The following LGSN variants were observed in gnomAD, a reference collection of about 807,000 sequenced individuals.
LGSN encodes the protein lengsin, lens protein with glutamine synthetase domain.
Under a neutral mutation model 19.5 loss-of-function variants are expected in LGSN, and 21 were observed. The observed-to-expected ratio is 1.07, with a 90% CI of 0.76 to 1.55. The LOEUF is 1.55. Among genes scored for constraint, LGSN ranks in the 40% most tolerant of loss-of-function variants. LGSN has a pLI of 0.00. For missense variants in LGSN, 673 were observed against 608.5 expected (o/e 1.11, Z -1.12); for synonymous variants, 257 against 215.6 (o/e 1.19, Z -1.68).
the LGSN span, among the ~76,000 whole-genome samples, chr6:63,453,960 T>C: frequency 3.3e-5 from 5 of 151,998 alleles, no homozygotes; most frequent in Non-Finnish European, 5.9e-5. Flanking sequence ...CCGGCCGTCA[T>C]TATAATTAAT....
the LGSN span, among the ~76,000 whole-genome samples, chr6:63,358,375 A>T: frequency 6.6e-6 from 1 of 152,208 alleles, no homozygotes; most frequent in East Asian, 1.9e-4. Context: ...GAAGAAAGTC[A>T]TTGGTAGCTT....
chr6:63,327,713 G>C, the LGSN span, among the ~76,000 whole-genome samples: 21 of 152,116 alleles, frequency 1.4e-4, no homozygotes, highest in Non-Finnish European at 2.6e-4. Flanking sequence ...AAAGGAATAG[G>C]GTACACTGTT....
chr6:63,498,713 C>T, the LGSN span, among the ~76,000 whole-genome samples: 5 of 152,098 alleles, frequency 3.3e-5, no homozygotes, highest in African/African-American at 4.8e-5. Flanking sequence ...ATTGTTCTGT[C>T]GGTGAGACAA....
At chr6:63,468,708 A>C in the LGSN span, among the ~76,000 whole-genome samples, 1 of 152,068 alleles carries the variant, frequency 6.6e-6, no homozygotes, top group Admixed American at 6.6e-5. Flanking sequence ...GATTACAGGC[A>C]TGAGTCACTG....
At chr6:63,447,133 G>A in the LGSN span, among the ~76,000 whole-genome samples, 7 of 152,332 alleles carry the variant, frequency 4.6e-5, no homozygotes, top group East Asian at 1.9e-4. Flanking sequence ...TTGTTGGTTC[G>A]TTTTGGAAAT....
chr6:63,498,356 T>TA, the LGSN span, among the ~76,000 whole-genome samples: 3,269 of 152,116 alleles, frequency 0.021, 161 homozygotes, highest in African/African-American at 0.075. Flanking sequence ...ATTTCAGTTT[T>TA]AAAAAAACCT....
the LGSN span, among the ~76,000 whole-genome samples, chr6:63,333,498 CA>C: frequency 7.7e-6 from 1 of 129,346 alleles, no homozygotes; most frequent in Admixed American, 8.0e-5. Flanking sequence ...AACGAAAGAA[CA>C]AAAGAATGAA....
the LGSN span, among the ~76,000 whole-genome samples, chr6:63,433,402 C>G: frequency 3.3e-4 from 50 of 152,116 alleles, no homozygotes; most frequent in African/African-American, 1.2e-3. Flanking sequence ...CACAGAGATA[C>G]CAAGTTGCCT....
At chr6:63,558,589 T>C in the LGSN span, among the ~76,000 whole-genome samples, 5 of 152,178 alleles carry the variant, frequency 3.3e-5, no homozygotes, top group Non-Finnish European at 7.3e-5. Flanking sequence ...ATGTTGAATA[T>C]GAGGTGCCTC....
intron 2 of LGSN, among the ~76,000 whole-genome samples, chr6:63,289,405 T>C (rs770911903): frequency 6.6e-6 from 1 of 152,178 alleles, no homozygotes; most frequent in Non-Finnish European, 1.5e-5. Flanking sequence ...ATCATACTTG[T>C]TATTTACAAT....
At chr6:63,351,495 G>T in the LGSN span, among the ~76,000 whole-genome samples, 1 of 152,026 alleles carries the variant, frequency 6.6e-6, no homozygotes, top group African/African-American at 2.4e-5. Context: ...GTCTCACTCT[G>T]CCACCTAGGC....
chr6:63,467,324 A>G, the LGSN span, among the ~76,000 whole-genome samples: 1 of 152,188 alleles, frequency 6.6e-6, no homozygotes, highest in Non-Finnish European at 1.5e-5. Flanking sequence ...TGGTAACTAT[A>G]AGATCAACAT....
the LGSN span, among the ~76,000 whole-genome samples, chr6:63,436,691 C>T: frequency 6.6e-6 from 1 of 152,156 alleles, no homozygotes; most frequent in Non-Finnish European, 1.5e-5. Flanking sequence ...ATTAAGAACA[C>T]ACTCATTGGG....
At chr6:63,528,057 T>G in the LGSN span, 1 of 152,218 alleles carries the variant, frequency 6.6e-6, no homozygotes, top group Non-Finnish European at 1.5e-5. Flanking sequence ...AGCATGGCTA[T>G]GGGAGAAGGA....
chr6:63,563,243 G>A, the LGSN span, among the ~76,000 whole-genome samples: 6 of 152,184 alleles, frequency 3.9e-5, no homozygotes, highest in Admixed American at 3.9e-4. Context: ...TTCACTGTCA[G>A]CAAAATAAAT....
At chr6:63,491,141 G>A in the LGSN span, among the ~76,000 whole-genome samples, 1 of 152,086 alleles carries the variant, frequency 6.6e-6, no homozygotes, top group African/African-American at 2.4e-5. Context: ...CCCAGGGTAG[G>A]GTTAACCAGC....
intron 1 of LGSN, among the ~76,000 whole-genome samples, chr6:63,296,490 T>TTTTA (rs902479541): frequency 1.9e-4 from 29 of 151,200 alleles, no homozygotes; most frequent in South Asian, 8.3e-4. Context: ...ATATATTTAT[T>TTTTA]TTTATTTATT....
At chr6:63,377,839 G>A in the LGSN span, among the ~76,000 whole-genome samples, 5 of 150,330 alleles carry the variant, frequency 3.3e-5, no homozygotes, top group African/African-American at 7.4e-5. Flanking sequence ...GCTTGAACCC[G>A]GGAGGTGGAG....
chr6:63,561,062 A>G, the LGSN span, among the ~76,000 whole-genome samples: 17 of 152,344 alleles, frequency 1.1e-4, no homozygotes, highest in East Asian at 3.9e-4. Flanking sequence ...TAGGAAGCCA[A>G]ATTAATAATT....
Sources: allele counts gnomAD v4.1 joint callset (sites outside exome capture counted in the v4.1 genomes callset), GRCh38; gene constraint gnomAD v4.1.1; transcripts MANE v1.5; gene names NCBI Gene and HGNC (gene_info 2026-07-23, HGNC 2026-07-21).